Variants in PYHIN1 observed in about 807,000 individuals in gnomAD.
The protein encoded by PYHIN1 is pyrin and HIN domain-containing protein 1.
Under a neutral mutation model 43.7 loss-of-function variants are expected in PYHIN1, and 32 were observed. The observed-to-expected ratio is 0.73, with a 90% CI of 0.55 to 0.98. The LOEUF (loss-of-function observed/expected upper bound fraction) is 0.98. Among genes scored for constraint, PYHIN1 ranks in the 50% least tolerant of loss-of-function variants. The pLI, the probability that PYHIN1 is intolerant of heterozygous loss-of-function variation, is 0.00. For synonymous variants in PYHIN1, 205 were observed against 203.1 expected (o/e 1.01, Z -0.08); for missense variants, 588 against 589.5 (o/e 1.00, Z 0.03).
the PYHIN1 span, among the ~76,000 whole-genome samples, chr1:158,988,591 A>G: frequency 6.6e-6 from 1 of 152,210 alleles, no homozygotes; most frequent in Non-Finnish European, 1.5e-5. Context: ...TCCTCATTAT[A>G]TAGTGAGAGA....
At chr1:158,973,554 A>T in intron 7 of PYHIN1, 93 bp from the exon 8 acceptor site, 1 of 1,292,170 alleles carries the variant, frequency 7.7e-7, no homozygotes, top group Non-Finnish European at 1.1e-6. Context: ...CACATGTATT[A>T]CATCCAACTT....
At chr1:158,965,285 A>G (rs1339288522) in intron 7 of PYHIN1, among the ~76,000 whole-genome samples, 1 of 152,220 alleles carries the variant, frequency 6.6e-6, no homozygotes, top group African/African-American at 2.4e-5. Flanking sequence ...CACATACAAT[A>G]ATAGTGGGAG....
chr1:158,957,396 C>T (rs1448964392), intron 7 of PYHIN1, among the ~76,000 whole-genome samples: 3 of 152,052 alleles, frequency 2.0e-5, no homozygotes, highest in East Asian at 1.9e-4. Context: ...GGTACTGTTA[C>T]CAAAACAGAG....
chr1:158,936,868 T>C, intron 1 of PYHIN1, 23 bp from the exon 2 acceptor site: 2 of 1,494,876 alleles, frequency 1.3e-6, no homozygotes, highest in Non-Finnish European at 1.8e-6. Context: ...TGTGTAACAC[T>C]ATATACCATT....
At position 158,977,054 on chromosome 1, in the gene PYHIN1, A is replaced by G. The variant is rs1481471268; in HGVS notation, c.*359A>G. 1 of 155,152 alleles carries G rather than the reference A, an allele frequency of 6.4e-6. No individual in the cohort carries two copies. The allele number at this position is 155,152 out of a possible 1,614,324, so 9.6% of individuals were successfully genotyped here. A position where few individuals can be genotyped will look rare whatever the true frequency, so the allele number is the denominator to read the frequency against. On this transcript the variant is annotated 3_prime_UTR_variant, in exon 9 of 9. Coordinates refer to ENST00000368140, the MANE Select transcript of PYHIN1 (RefSeq NM_152501.5). ...AAAAAAATAAACTTTTTTTTCTTAA[A>G]GAGTGCTTCCATAGGAGTTTCTTTA...
chr1:158,959,116 C>T (rs989109027), intron 7 of PYHIN1, among the ~76,000 whole-genome samples: 2 of 151,874 alleles, frequency 1.3e-5, no homozygotes, highest in Non-Finnish European at 2.9e-5. Context: ...GTCCGTTGCA[C>T]TCCCTTTGCA....
intron 7 of PYHIN1, among the ~76,000 whole-genome samples, chr1:158,955,065 A>G (rs1325277720): frequency 6.6e-6 from 1 of 152,052 alleles, no homozygotes; most frequent in East Asian, 1.9e-4. Flanking sequence ...TCCTAAATAT[A>G]TATGCACCCA....
chr1:158,975,650 A>T (rs181277055), intron 8 of PYHIN1, among the ~76,000 whole-genome samples: 1 of 152,270 alleles, frequency 6.6e-6, no homozygotes, highest in Admixed American at 6.5e-5. Flanking sequence ...TTATGAGCAC[A>T]GTAGAAAGAC....
In PYHIN1 at chr1:158,946,638, G is replaced by A. The variant is rs372940454; in HGVS notation, c.1359+1596G>A. The stretch of plus-strand genomic sequence containing the variant: ...CTACAATCTAAAGAACAGACAACAG[G>A]TACCCATTTGTGTATTTCCTTGACT... On this transcript the variant is annotated intron_variant, in intron 7 of 8. Coordinates refer to ENST00000368140, the MANE Select transcript of PYHIN1 (RefSeq NM_152501.5). Among the ~76,000 whole-genome samples, 699 of 152,104 alleles carry A rather than the reference G, an allele frequency of 4.6e-3. 2 individuals are homozygous for A. The highest frequency in any genetic ancestry group is 6.3e-3 in the Non-Finnish European group (429 of 67,984).
chr1:158,965,059 G>T (rs937007030), intron 7 of PYHIN1, among the ~76,000 whole-genome samples: 2 of 149,218 alleles, frequency 1.3e-5, no homozygotes, highest in South Asian at 4.2e-4. Flanking sequence ...CAAACAAATA[G>T]AAAGCAGAAA....
chr1:158,952,299 C>T (rs1322188815), intron 7 of PYHIN1, among the ~76,000 whole-genome samples: 1 of 151,916 alleles, frequency 6.6e-6, no homozygotes, highest in African/African-American at 2.4e-5. Flanking sequence ...TTCCCCGCTG[C>T]CGAGCCTTTC....
chr1:158,985,342 G>T, the PYHIN1 span, among the ~76,000 whole-genome samples: 9 of 152,164 alleles, frequency 5.9e-5, no homozygotes, highest in African/African-American at 2.2e-4. Context: ...TATAAGGCAG[G>T]CCTAATGGTA....
rs76757333 is a variant in PYHIN1 at position 158,942,002 on chromosome 1, A to G, written c.605A>G (p.His202Arg). Residue 202 changes from histidine to arginine, a missense_variant, in exon 5 of 9, where the codon CAC becomes CGC. Physicochemically the swap from His to Arg is conservative, Grantham distance 29. Transcript: ENST00000368140. ...AGCCTAAAACCATTGGCCAACCGTC[A>G]CGCAACTGCCAGTAAAAATATTTTC... Reference protein sequence around the residue: ...TESLKPLANRHATASKNIFRE... With the variant: ...TESLKPLANRRATASKNIFRE... 1.8e-3 allele frequency: 2,864 copies of G among 1,609,018 alleles called. 33 individuals are homozygous for G. In the African/African-American group the frequency reaches 0.03, roughly 17 times the overall value.
At chr1:158,947,733 C>A (rs575708685) in intron 7 of PYHIN1, among the ~76,000 whole-genome samples, 1 of 152,268 alleles carries the variant, frequency 6.6e-6, no homozygotes, top group East Asian at 1.9e-4. Flanking sequence ...TTATTTAGCA[C>A]AGATTTAATT....
chr1:158,970,726 C>CAT, intron 7 of PYHIN1, among the ~76,000 whole-genome samples: 1 of 104,086 alleles, frequency 9.6e-6, no homozygotes, highest in East Asian at 3.1e-4. Flanking sequence ...AGAGCAAACA[C>CAT]ACAAACACTG....
intron 3 of PYHIN1, among the ~76,000 whole-genome samples, chr1:158,938,850 G>A (rs1275974247): frequency 6.6e-6 from 1 of 152,186 alleles, no homozygotes; most frequent in Non-Finnish European, 1.5e-5. Context: ...TTAACTGCAA[G>A]TCAGCATATC....
intron 7 of PYHIN1, among the ~76,000 whole-genome samples, chr1:158,946,748 T>C (rs887245288): frequency 1.3e-5 from 2 of 152,140 alleles, no homozygotes; most frequent in East Asian, 3.9e-4. Flanking sequence ...GAAGAGGAGA[T>C]TTAGGGAATT....
chr1:158,965,129 T>G (rs1571773557), intron 7 of PYHIN1, among the ~76,000 whole-genome samples: 1 of 149,002 alleles, frequency 6.7e-6, no homozygotes, highest in African/African-American at 2.5e-5. Flanking sequence ...CAACAAAGAG[T>G]TAAAAAGACA....
chr1:158,968,237 AC>A (rs1650738091), intron 7 of PYHIN1, among the ~76,000 whole-genome samples: 2 of 152,058 alleles, frequency 1.3e-5, no homozygotes, highest in African/African-American at 4.8e-5. Context: ...AAGAATGTAA[AC>A]CAATTTACAA....
Sources: allele counts gnomAD v4.1 joint callset (sites outside exome capture counted in the v4.1 genomes callset), GRCh38; gene constraint gnomAD v4.1.1; transcripts MANE v1.5; gene names NCBI Gene and HGNC (gene_info 2026-07-23, HGNC 2026-07-21).